The following PRKCA variants were observed in gnomAD, a reference collection of about 807,000 sequenced individuals.
PRKCA encodes protein kinase C alpha.
A neutral mutation model predicts 87.0 loss-of-function variants in PRKCA; 27 were observed. The observed-to-expected ratio is 0.31, with a 90% confidence interval of 0.23 to 0.43. PRKCA has a LOEUF of 0.43. PRKCA is among the 20% of genes least tolerant of loss of function. The probability of loss-of-function intolerance (pLI) is 1.00; values close to 1 mark genes in which losing one functional copy is unlikely to be tolerated. For synonymous variants in PRKCA, 329 were observed against 311.1 expected (o/e 1.06, Z -0.61); for missense variants, 518 against 852.3 (o/e 0.61, Z 4.88).
intron 2 of PRKCA, among the ~76,000 whole-genome samples, chr17:66,329,210 G>A (rs913028276): frequency 3.9e-5 from 6 of 152,300 alleles, no homozygotes; most frequent in Admixed American, 6.5e-5. Flanking sequence ...TGATTTGGAG[G>A]TAGAAGGGAG....
chr17:66,803,951 A>G lies in PRKCA; in HGVS notation c.1933A>G (p.Ile645Val), dbSNP rs761859483. 6 of 1,614,078 alleles carry G rather than the reference A, an allele frequency of 3.7e-6. No individual in the cohort carries two copies. In the South Asian group the frequency reaches 6.6e-5, roughly 18 times the overall value. ...CTTAACACCACCTGATCAGCTGGTT[A>G]TTGCTAACATAGACCAGTCTGATTT... is the stretch of plus-strand genomic sequence containing the variant. Reference protein sequence around the residue: ...PVLTPPDQLVIANIDQSDFEG... With the variant: ...PVLTPPDQLVVANIDQSDFEG... Residue 645 changes from isoleucine (I) to valine (V), a missense_variant, in exon 17 of 17, where the codon ATT (isoleucine) becomes GTT (valine). Physicochemically the swap from Ile to Val is conservative, Grantham distance 29. Coordinates refer to ENST00000413366, the MANE Select transcript of PRKCA (RefSeq NM_002737.3). This position sits in a 1 kb window ranked among gnomAD's most constrained non-coding sequence, Gnocchi z 4.4.
At chr17:66,640,881 C>A in intron 3 of PRKCA, 1 of 426,906 alleles carries the variant, frequency 2.3e-6, no homozygotes, top group Non-Finnish European at 4.6e-6. Flanking sequence ...ATGATGCGGG[C>A]CAGGTGTGGT....
intron 3 of PRKCA, among the ~76,000 whole-genome samples, chr17:66,607,349 G>C (rs1970239316): frequency 6.6e-6 from 1 of 152,202 alleles, no homozygotes; most frequent in African/African-American, 2.4e-5. Context: ...GAGTTAAGTG[G>C]AGAATTGTTG....
chr17:66,349,042 C>T (rs1238052658), intron 2 of PRKCA, among the ~76,000 whole-genome samples: 3 of 152,144 alleles, frequency 2.0e-5, no homozygotes, highest in Admixed American at 6.5e-5. Context: ...ATTTCTCTTA[C>T]GAAGTGTTCA....
intron 2 of PRKCA, 138 bp from the exon 3 acceptor site, chr17:66,496,063 C>G (rs1916462842): frequency 3.0e-6 from 2 of 668,378 alleles, no homozygotes; most frequent in Admixed American, 2.6e-5. Context: ...GAATGAAATG[C>G]CTTCTGATTG....
intron 14 of PRKCA, among the ~76,000 whole-genome samples, chr17:66,785,324 A>C (rs76819749): frequency 0.049 from 7,405 of 152,242 alleles, 281 homozygotes; most frequent in East Asian, 0.22. Flanking sequence ...TAAGAAGGGC[A>C]TCCTTCTGAC....
chr17:66,498,486 C>T (rs1328091655), intron 3 of PRKCA, among the ~76,000 whole-genome samples: 4 of 152,158 alleles, frequency 2.6e-5, no homozygotes, highest in Admixed American at 6.5e-5. Context: ...TTTCTTCCCC[C>T]TCCTACTTTT....
chr17:66,514,361 C>T (rs924911038), intron 3 of PRKCA, among the ~76,000 whole-genome samples: 3 of 152,060 alleles, frequency 2.0e-5, no homozygotes, highest in Non-Finnish European at 4.4e-5. Flanking sequence ...ATGAAACATA[C>T]CCACCCATCT....
intron 10 of PRKCA, among the ~76,000 whole-genome samples, chr17:66,737,342 A>C (rs897135578): frequency 6.6e-6 from 1 of 152,282 alleles, no homozygotes; most frequent in Middle Eastern, 3.4e-3. Context: ...CAGCCTGGGC[A>C]ACAGAGCAAG....
intron 2 of PRKCA, among the ~76,000 whole-genome samples, chr17:66,384,232 G>GT (rs1481642246): frequency 6.6e-6 from 1 of 152,316 alleles, no homozygotes; most frequent in East Asian, 1.9e-4. Context: ...CTATAGTGGA[G>GT]TGTGACCTTT....
At chr17:66,717,022 C>A (rs1203602170) in intron 8 of PRKCA, among the ~76,000 whole-genome samples, 1 of 152,188 alleles carries the variant, frequency 6.6e-6, no homozygotes, top group Admixed American at 6.5e-5. Context: ...TGCTGCCTGG[C>A]ATAGCAAGCA....
chr17:66,421,912 G>C (rs1034204337), intron 2 of PRKCA, among the ~76,000 whole-genome samples: 1 of 152,026 alleles, frequency 6.6e-6, no homozygotes, highest in Non-Finnish European at 1.5e-5. Context: ...CTGTGACAGA[G>C]TACCACAGAC....
intron 2 of PRKCA, among the ~76,000 whole-genome samples, chr17:66,374,483 G>A (rs1278771773): frequency 6.6e-6 from 1 of 152,136 alleles, no homozygotes; most frequent in Admixed American, 6.5e-5. Flanking sequence ...CGTCACCATG[G>A]CATCAGCCCA....
chr17:66,658,140 G>GAGA (rs1471160528), intron 5 of PRKCA, among the ~76,000 whole-genome samples: 12 of 152,132 alleles, frequency 7.9e-5, no homozygotes, highest in Admixed American at 7.9e-4. Flanking sequence ...CGGCAGGAAG[G>GAGA]AGAAGAAGAA....
At chr17:66,765,438 A>ATCTATATATC (rs1568020999) in intron 13 of PRKCA, among the ~76,000 whole-genome samples, 8 of 135,892 alleles carry the variant, frequency 5.9e-5, no homozygotes, top group African/African-American at 2.2e-4. Context: ...ATATATATAT[A>ATCTATATATC]TATATATATA....
intron 3 of PRKCA, among the ~76,000 whole-genome samples, chr17:66,510,442 A>G (rs1917173691): frequency 6.6e-6 from 1 of 152,202 alleles, no homozygotes; most frequent in African/African-American, 2.4e-5. Flanking sequence ...GCTTATTGAA[A>G]GGCAAAACTT....
At chr17:66,778,268 C>T (rs1202156738) in intron 14 of PRKCA, 1 of 933,214 alleles carries the variant, frequency 1.1e-6, no homozygotes, top group African/African-American at 1.8e-5. Context: ...AATCCCAGCA[C>T]TTCGGGAGGC....
chr17:66,748,110 C>T (rs752546544), intron 13 of PRKCA, among the ~76,000 whole-genome samples: 10 of 152,238 alleles, frequency 6.6e-5, no homozygotes, highest in East Asian at 1.9e-4. Context: ...AGCTTGCAGA[C>T]GTGGTTGCCT....
chr17:66,562,115 T>C (rs186015444), intron 3 of PRKCA, among the ~76,000 whole-genome samples: 1 of 105,986 alleles, frequency 9.4e-6, no homozygotes, highest in East Asian at 3.5e-4. Context: ...ATTATATATA[T>C]AATTAAATAT....
Sources: gnomAD v4.1 joint callset for allele counts (sites outside exome capture counted in the v4.1 genomes callset) on GRCh38, gnomAD v4.1.1 for gene constraint, Gnocchi (gnomAD v3.1) non-coding constraint, MANE v1.5 for transcripts, NCBI Gene and HGNC (gene_info 2026-07-23, HGNC 2026-07-21) for gene names.